TTC6: variants seen among roughly 807,000 people sequenced by gnomAD.
TTC6 encodes the protein tetratricopeptide repeat domain 6.
Under a neutral mutation model 210.4 loss-of-function variants are expected in TTC6, and 172 were observed. That is an observed-to-expected ratio of 0.82 (90% CI 0.72 to 0.93). The LOEUF is 0.93. Ranked by LOEUF, TTC6 falls within the 40% of genes least tolerant of loss-of-function variation. The pLI is 0.00. For synonymous variants in TTC6, 804 were observed against 819.6 expected (o/e 0.98, Z 0.32); for missense variants, 2,414 against 2,318.1 (o/e 1.04, Z -0.85).
intron 25 of TTC6, among the ~76,000 whole-genome samples, chr14:37,815,635 A>ATACC (rs2096139712): frequency 6.6e-6 from 1 of 152,116 alleles, no homozygotes; most frequent in Non-Finnish European, 1.5e-5. Flanking sequence ...AACCCCTGGT[A>ATACC]TATAGAGCTG....
intron 1 of TTC6, among the ~76,000 whole-genome samples, chr14:37,668,699 G>T (rs2095752831): frequency 6.6e-6 from 1 of 152,176 alleles, no homozygotes; most frequent in African/African-American, 2.4e-5. Flanking sequence ...GAAAAAATCT[G>T]CAAAGTCACA....
chr14:37,711,047 G>A (rs918246588), intron 5 of TTC6, among the ~76,000 whole-genome samples: 6 of 152,084 alleles, frequency 3.9e-5, no homozygotes, highest in African/African-American at 9.7e-5. Flanking sequence ...CTGTGTTGGG[G>A]CTCAATAACT....
chr14:37,768,433 G>A (rs1369213038), intron 14 of TTC6, among the ~76,000 whole-genome samples: 1 of 152,134 alleles, frequency 6.6e-6, no homozygotes, highest in East Asian at 1.9e-4. Context: ...CTACCCATGA[G>A]CATGGAATGT....
chr14:37,636,109 C>T (rs916369006), intron 1 of TTC6, among the ~76,000 whole-genome samples: 7 of 149,746 alleles, frequency 4.7e-5, no homozygotes, highest in African/African-American at 1.5e-4. Context: ...TACCAAATAA[C>T]AGAGCTACAA....
At chr14:37,758,577 A>C (rs1386553523) in intron 14 of TTC6, among the ~76,000 whole-genome samples, 1 of 151,980 alleles carries the variant, frequency 6.6e-6, no homozygotes, top group Non-Finnish European at 1.5e-5. Context: ...GCCTATGTGT[A>C]TCTTTGCAAG....
Position 37,643,428 on chromosome 14 carries a change from G to GT in TTC6, c.939+20426dup, listed in dbSNP as rs532548729. ...AATTTTCAACTTGAGAGAATGGGGTGTGTCTATGGCCTTACCAGGAATTCC... is the reference window on the plus strand; with the variant it reads ...AATTTTCAACTTGAGAGAATGGGGTGTTGTCTATGGCCTTACCAGGAATTCC... On this transcript the variant is annotated intron_variant, in intron 1 of 30. Transcript: ENST00000553443. 5.3e-5 allele frequency among the ~76,000 whole-genome samples: 8 copies of GT among 152,330 alleles called. No individual in the cohort carries two copies. In the East Asian group the frequency reaches 1.5e-3, roughly 29 times the overall value.
intron 9 of TTC6, among the ~76,000 whole-genome samples, chr14:37,738,456 A>G (rs1351812411): frequency 6.6e-6 from 1 of 151,978 alleles, no homozygotes; most frequent in Non-Finnish European, 1.5e-5. Flanking sequence ...AGTACAGCAT[A>G]TAATTTATTT....
At chr14:37,749,820 A>T in exon 12 of TTC6, 2 of 1,408,034 alleles carry the variant, frequency 1.4e-6, no homozygotes, top group Non-Finnish European at 1.8e-6. Flanking sequence ...AATTATATAC[A>T]TAAATATAAT....
Position 37,795,387 on chromosome 14 carries a change from A to T in TTC6, c.3791+35A>T, listed in dbSNP as rs982180759. On this transcript the variant is annotated intron_variant, in intron 18 of 30. Transcript: ENST00000553443. ...TAGAAACTGAATTCTTCTTGGGATAACTTAGCATCAGAGAAATTGAATGGG... is the reference window on the plus strand; with the variant it reads ...TAGAAACTGAATTCTTCTTGGGATATCTTAGCATCAGAGAAATTGAATGGG... 33 of 1,387,844 alleles carry T rather than the reference A, an allele frequency of 2.4e-5. No individual in the cohort carries two copies. The East Asian group carries it at 4.3e-4, about 18-fold the overall frequency. 86.0% of individuals were successfully genotyped at this position (1,387,844 alleles called of 1,614,324 possible).
chr14:37,840,549 A>T lies in TTC6; in HGVS notation c.5299-896A>T, dbSNP rs769618044. Among the ~76,000 whole-genome samples, 105 of 152,228 alleles carry T rather than the reference A, an allele frequency of 6.9e-4. 1 individual carries two copies. The highest frequency in any genetic ancestry group is 6.8e-3 in the Middle Eastern group (2 of 292). On this transcript the variant is annotated intron_variant, in intron 29 of 30. Transcript: ENST00000553443. The stretch of plus-strand genomic sequence containing the variant: ...AGAGACACAACAAAACAAAAAAAAA[A>T]GAAATTTTTAGGCCAATATCCCTGA...
rs541909765 is a variant in TTC6, at chr14:37,807,809, T to C, written c.4455+349T>C. On this transcript the variant is annotated intron_variant, in intron 23 of 30. Coordinates refer to ENST00000553443, the Ensembl canonical transcript of TTC6. ...ATTTAGCATATTTGTATTCAGTCTT[T>C]TATTTTCCTCATAATATATGATATA... Among the ~76,000 whole-genome samples, 34 of 152,264 alleles carry C rather than the reference T, an allele frequency of 2.2e-4. No individual in the cohort carries two copies. In the South Asian group the frequency reaches 3.7e-3, roughly 17 times the overall value.
intron 10 of TTC6, among the ~76,000 whole-genome samples, chr14:37,747,914 G>C (rs747368820): frequency 2.6e-4 from 40 of 152,332 alleles, no homozygotes; most frequent in Admixed American, 2.0e-4. Context: ...GAATGAGGGA[G>C]AGAGTAGTGG....
chr14:37,837,591 A>C (rs2096200786), intron 29 of TTC6: 1 of 273,500 alleles, frequency 3.7e-6, no homozygotes, highest in African/African-American at 2.3e-5. Flanking sequence ...ATGATATATA[A>C]GTAATAATTG....
chr14:37,784,078 G>A (rs1411258495), intron 14 of TTC6, among the ~76,000 whole-genome samples: 1 of 152,302 alleles, frequency 6.6e-6, no homozygotes, highest in Non-Finnish European at 1.5e-5. Flanking sequence ...GAATAAGTCC[G>A]ATGTGGTGCT....
At chr14:37,628,999 G>A (rs1445970098) in intron 1 of TTC6, among the ~76,000 whole-genome samples, 2 of 152,142 alleles carry the variant, frequency 1.3e-5, no homozygotes, top group Admixed American at 6.5e-5. Flanking sequence ...TGCTGTTTTG[G>A]TTATGGTAGC....
At chr14:37,654,558 C>T (rs1051728417) in intron 1 of TTC6, among the ~76,000 whole-genome samples, 8 of 152,052 alleles carry the variant, frequency 5.3e-5, no homozygotes, top group African/African-American at 1.9e-4. Flanking sequence ...AACCGTGAGC[C>T]AATTAAACTT....
intron 6 of TTC6, among the ~76,000 whole-genome samples, chr14:37,718,829 C>G (rs1394217156): frequency 1.3e-5 from 2 of 151,924 alleles, no homozygotes; most frequent in Admixed American, 6.6e-5. Flanking sequence ...TTAGGGCTTT[C>G]TGGGAGGGTG....
intron 1 of TTC6, among the ~76,000 whole-genome samples, chr14:37,650,563 G>A (rs903986364): frequency 3.3e-5 from 5 of 152,184 alleles, no homozygotes; most frequent in African/African-American, 9.7e-5. Flanking sequence ...ATGGGAAAGT[G>A]TGTGAGCTTC....
exon 1 of TTC6, chr14:37,622,341 G>A (rs573425369): frequency 3.9e-6 from 6 of 1,532,002 alleles, no homozygotes; most frequent in Non-Finnish European, 5.2e-6. Flanking sequence ...CCTGCAGGAG[G>A]TGCTCGGAGG....
Sources: allele counts gnomAD v4.1 joint callset (sites outside exome capture counted in the v4.1 genomes callset), GRCh38; gene constraint gnomAD v4.1.1; transcripts MANE v1.5; gene names NCBI Gene and HGNC (gene_info 2026-07-23, HGNC 2026-07-21).